The following GPN3 variants were observed in gnomAD, a reference collection of about 807,000 sequenced individuals.
The protein encoded by GPN3 is ATP-binding domain 1 family member C.
Under a neutral mutation model 38.7 loss-of-function variants are expected in GPN3, and 31 were observed. The ratio of observed to expected loss-of-function variants is 0.80; its 90% CI spans 0.60 to 1.08. The LOEUF is 1.08. Among genes scored for constraint, GPN3 ranks in the 50% least tolerant of loss-of-function variants. GPN3 has a pLI of 0.00. For missense variants in GPN3, 301 were observed against 354.4 expected, an observed-to-expected ratio of 0.85 and a Z score of 1.21; for synonymous variants, 116 against 120.2, an observed-to-expected ratio of 0.96 and a Z score of 0.23.
intron 2 of GPN3, among the ~76,000 whole-genome samples, chr12:110,461,526 G>C (rs1469172506): frequency 6.6e-6 from 1 of 152,040 alleles, no homozygotes. Flanking sequence ...CTTGAACCCA[G>C]GAGGCAGAGG....
chr12:110,461,347 G>A, intron 2 of GPN3: 1 of 747,160 alleles, frequency 1.3e-6, no homozygotes, highest in Non-Finnish European at 2.3e-6. Flanking sequence ...TACAGACAAT[G>A]TCGATGAGAA....
chr12:110,457,666 A>G (rs770253272), intron 3 of GPN3, 32 bp from the exon 4 acceptor site: 28 of 1,519,088 alleles, frequency 1.8e-5, no homozygotes, highest in Non-Finnish European at 2.4e-5. Flanking sequence ...AATTTTAGAA[A>G]TAGCAAGTAT....
At chr12:110,461,886 G>C (rs752602032) in intron 2 of GPN3, among the ~76,000 whole-genome samples, 1 of 152,146 alleles carries the variant, frequency 6.6e-6, no homozygotes, top group Non-Finnish European at 1.5e-5. Context: ...CTGCTGCCCA[G>C]GCTGGAGTGC....
rs2062544793 is a variant in GPN3, at chr12:110,455,696, A to G, written c.567-14T>C. 6 of 1,128,008 alleles carry G rather than the reference A, an allele frequency of 5.3e-6. 1 individual carries two copies. The Admixed American group carries it at 7.0e-5, about 13-fold the overall frequency. 69.9% of individuals were successfully genotyped at this position (1,128,008 alleles called of 1,614,324 possible). On this transcript the variant is annotated splice_polypyrimidine_tract_variant and intron_variant, in intron 5 of 7. Transcript: ENST00000228827. The stretch of plus-strand genomic sequence containing the variant: ...GGATCTAAAAATCTTTAAAAGACAG[A>G]AAGACTGATGAATTCAGGAGACTAG...
upstream of GPN3, chr12:110,468,457 T>C: frequency 1.3e-6 from 2 of 1,536,940 alleles, no homozygotes; most frequent in East Asian, 2.4e-5. Context: ...TGGGATGCTG[T>C]CTAAGCTTGG....
intron 1 of GPN3, among the ~76,000 whole-genome samples, chr12:110,466,077 CAAA>C (rs879788319): frequency 1.6e-5 from 2 of 122,160 alleles, no homozygotes; most frequent in African/African-American, 3.0e-5. Context: ...ACTCCTGGCT[CAAA>C]AAAAAAAAAA....
rs775710292 is a variant in GPN3, at chr12:110,455,860, G to A, written c.521C>T (p.Thr174Ile). Residue 174 changes from threonine to isoleucine, a missense_variant, in exon 5 of 8, where the codon ACA becomes ATA. Physicochemically the swap from Thr to Ile is moderately conservative, Grantham distance 89 (BLOSUM62 -1). Coordinates refer to ENST00000228827, the MANE Select transcript of GPN3 (RefSeq NM_016301.4). ...SLEIPQVNIM[T>I]KMDLLSKKAK... ...TTTTTTACTCAGCAGATCCATTTTT[G>A]TCATGATGTTGACTTGCGGAATTTC... 29 of 1,609,204 alleles carry A rather than the reference G, an allele frequency of 1.8e-5. No homozygotes were observed. Among genetic ancestry groups the A allele is most frequent in the Non-Finnish European group, 2.0e-5 (23 of 1,175,660 alleles).
chr12:110,468,456 G>A, upstream of GPN3: 3 of 1,536,836 alleles, frequency 2.0e-6, no homozygotes, highest in Non-Finnish European at 2.6e-6. Flanking sequence ...TTGGGATGCT[G>A]TCTAAGCTTG....
In GPN3 at chr12:110,458,789, G is replaced by T. The variant is rs559955946; in HGVS notation, c.325+906C>A. ...GAATGAAACTCAGTCTCAAAAAAAA[G>T]AAAAAAAAAAAAGAAAATTCACGAT... On this transcript the variant is annotated intron_variant, in intron 3 of 7. Transcript: ENST00000228827. This position sits in a 1 kb window ranked among gnomAD's most constrained non-coding sequence, Gnocchi z 4.4. Among the ~76,000 whole-genome samples, 99 of 133,616 alleles carry T rather than the reference G, an allele frequency of 7.4e-4. No individual in the cohort carries two copies. The highest frequency in any genetic ancestry group is 2.7e-3 in the African/African-American group (97 of 36,490). The allele number at this position is 133,616 out of a possible 152,430, so 87.7% of individuals were successfully genotyped here. A position where few individuals can be genotyped will look rare whatever the true frequency, so the allele number is the denominator to read the frequency against.
intron 2 of GPN3, among the ~76,000 whole-genome samples, chr12:110,460,331 A>T (rs892361438): frequency 2.0e-5 from 3 of 152,214 alleles, no homozygotes; most frequent in Non-Finnish European, 2.9e-5. Context: ...GCTGAGAGGA[A>T]GATGTTTTCC....
At chr12:110,463,552 T>C (rs1278888688) in intron 2 of GPN3, among the ~76,000 whole-genome samples, 2 of 131,412 alleles carry the variant, frequency 1.5e-5, no homozygotes, top group African/African-American at 5.8e-5. Context: ...AGCAGATTGC[T>C]TGAGCTCAGG....
intron 2 of GPN3, among the ~76,000 whole-genome samples, chr12:110,462,135 G>A (rs998816460): frequency 1.3e-5 from 2 of 152,106 alleles, no homozygotes; most frequent in Non-Finnish European, 2.9e-5. Flanking sequence ...CAGTCATAGC[G>A]CCCATCCTAA....
chr12:110,460,867 G>C, intron 2 of GPN3: 1 of 636,776 alleles, frequency 1.6e-6, no homozygotes, highest in Non-Finnish European at 2.8e-6. Flanking sequence ...CGGAGGCTGA[G>C]GCAGGAGAAT....
At chr12:110,466,269 C>G (rs530093928) in intron 1 of GPN3, among the ~76,000 whole-genome samples, 1 of 152,038 alleles carries the variant, frequency 6.6e-6, no homozygotes. Flanking sequence ...TTTGTGTGTG[C>G]ATGTTTTTTT....
At chr12:110,455,543 A>G (rs906960826) in intron 6 of GPN3, 43 bp downstream of exon 6, 4 of 796,524 alleles carry the variant, frequency 5.0e-6, no homozygotes, top group Non-Finnish European at 8.8e-6. Context: ...TACAGGCATT[A>G]GCCACTGCAC....
At chr12:110,454,309 T>C (rs1162863425) in intron 6 of GPN3, among the ~76,000 whole-genome samples, 3 of 152,084 alleles carry the variant, frequency 2.0e-5, no homozygotes, top group Non-Finnish European at 2.9e-5. Context: ...GTGCTTTTTA[T>C]ATGGCAAATG....
At position 110,458,943 on chromosome 12, in the gene GPN3, C is replaced by T. The variant is rs1308913344; in HGVS notation, c.325+752G>A. On this transcript the variant is annotated intron_variant, in intron 3 of 7. Transcript: ENST00000228827. This position sits in a 1 kb window ranked among gnomAD's most constrained non-coding sequence, Gnocchi z 4.4. ...GTGCCTTAAAACAGCTTTGTTCCTT[C>T]CTCCTGGGAGGTGTTCAGCAGGCTG... Among the ~76,000 whole-genome samples the T allele has an allele frequency of 2.6e-5, 4 of 152,170 alleles. No homozygotes were observed. The highest frequency in any genetic ancestry group is 5.9e-5 in the Non-Finnish European group (4 of 68,040).
In GPN3 at chr12:110,453,072, T is replaced by C. The variant is rs367859550; in HGVS notation, c.817A>G (p.Met273Val). ...CATTCTTGAAAATATTCGTCAAACA[T>C]AGAGGAAGACTCATCTTCACGTTCC... ...PKEREDESSSMFDEYFQECQD... is the reference protein window; with the variant it reads ...PKEREDESSSVFDEYFQECQD... The change falls in exon 8 of 8, where the codon ATG (methionine) becomes GTG (valine). Residue 273 changes from methionine to valine, a missense_variant. Physicochemically the swap from Met to Val is conservative, Grantham distance 21 (BLOSUM62 1). Coordinates refer to ENST00000228827, the MANE Select transcript of GPN3 (RefSeq NM_016301.4). 648 of 1,469,510 alleles carry C rather than the reference T, an allele frequency of 4.4e-4. 8 individuals are homozygous for C. The South Asian group carries it at 6.4e-3, about 15-fold the overall frequency. 91.0% of individuals were successfully genotyped at this position (1,469,510 alleles called of 1,614,324 possible).
Position 110,457,642 on chromosome 12 carries a change from A to AAGAG in GPN3, c.326-12_326-9dup. ...TGTACAACTCAATCTGACCTACATG[A>AAGAG]AGAGTATTGCAAGAATTTTAGAAAT... On this transcript the variant is annotated splice_polypyrimidine_tract_variant and intron_variant, in intron 3 of 7. Transcript: ENST00000228827. 1 of 1,576,570 alleles carries AAGAG rather than the reference A, an allele frequency of 6.3e-7. No homozygotes were observed. Among genetic ancestry groups the AAGAG allele is most frequent in the Non-Finnish European group, 8.6e-7 (1 of 1,162,854 alleles).
Sources: gnomAD v4.1 joint callset for allele counts (sites outside exome capture counted in the v4.1 genomes callset) on GRCh38, gnomAD v4.1.1 for gene constraint, Gnocchi (gnomAD v3.1) non-coding constraint, MANE v1.5 for transcripts, NCBI Gene and HGNC (gene_info 2026-07-23, HGNC 2026-07-21) for gene names.